Variants in EXOSC10 observed in about 807,000 individuals in gnomAD.
EXOSC10 encodes exosome component 10.
EXOSC10 carries 94 observed loss-of-function variants against 126.6 expected under a neutral mutation model. That is an observed-to-expected ratio of 0.74 (90% CI 0.63 to 0.88). EXOSC10 has a LOEUF of 0.88. EXOSC10 is among the 40% of genes least tolerant of loss of function. The probability of loss-of-function intolerance (pLI) is 0.00; values close to 1 mark genes in which losing one functional copy is unlikely to be tolerated. For synonymous variants in EXOSC10, 395 were observed against 400.8 expected, an observed-to-expected ratio of 0.99 and a Z score of 0.17; for missense variants, 1,041 against 1,100.5, an observed-to-expected ratio of 0.95 and a Z score of 0.77.
Position 11,094,581 on chromosome 1 carries a change from G to A in EXOSC10, c.372+1177C>T, listed in dbSNP as rs567432255. The stretch of plus-strand genomic sequence containing the variant: ...CTCCCAAAGTGCTGGGATTATAGGC[G>A]TGAACCACCATGCCAGGCCACCTTT... On this transcript the variant is annotated intron_variant, in intron 3 of 24. Transcript: ENST00000376936. 3.2e-4 allele frequency among the ~76,000 whole-genome samples: 48 copies of A among 150,528 alleles called. No individual in the cohort carries two copies. In the South Asian group the frequency reaches 8.2e-3, roughly 26 times the overall value.
intron 3 of EXOSC10, among the ~76,000 whole-genome samples, chr1:11,095,242 G>A (rs1331740255): frequency 2.0e-5 from 3 of 150,574 alleles, no homozygotes; most frequent in Non-Finnish European, 4.4e-5. Flanking sequence ...AGCTTCCATG[G>A]GGCAGTAATA....
chr1:11,081,315 G>A, intron 10 of EXOSC10, 77 bp from the exon 11 acceptor site: 1 of 1,547,542 alleles, frequency 6.5e-7, no homozygotes, highest in South Asian at 1.2e-5. Flanking sequence ...TTGGGTGCTG[G>A]GACTTCCTTA....
chr1:11,081,385 T>C (rs951950018), intron 10 of EXOSC10, 147 bp from the exon 11 acceptor site: 1 of 865,146 alleles, frequency 1.2e-6, no homozygotes, highest in Non-Finnish European at 1.8e-6. Context: ...CAACATTTCC[T>C]GCATTTTAAC....
In EXOSC10 at chr1:11,066,768, AAC is replaced by A. The variant is rs779638087; in HGVS notation, c.2628-22_2628-21del. The A allele has an allele frequency of 3.3e-5, 54 of 1,613,882 alleles. No individual in the cohort carries two copies. The Middle Eastern group carries it at 1.5e-3, about 44-fold the overall frequency. ...AAGCCTCTGCAGAGAGTACAAAAACAACAGTTATTTCTTCCGGGCTGGTTGGA... is the reference window on the plus strand; with the variant it reads ...AAGCCTCTGCAGAGAGTACAAAAACAAGTTATTTCTTCCGGGCTGGTTGGA... On this transcript the variant is annotated intron_variant, in intron 24 of 24. Coordinates refer to ENST00000376936, the MANE Select transcript of EXOSC10 (RefSeq NM_001001998.3).
At position 11,098,163 on chromosome 1, in the gene EXOSC10, A is replaced by G. The variant is rs751767608; in HGVS notation, c.112-7T>C. On this transcript the variant is annotated splice_polypyrimidine_tract_variant and splice_region_variant and intron_variant, in intron 1 of 24. Transcript: ENST00000376936. ...CCACGGACCCAAGAGCAAACTGTCA[A>G]AAACAAGAAAAGATGGCATGTTTAC... 1 of 1,591,332 alleles carries G rather than the reference A, an allele frequency of 6.3e-7. No homozygotes were observed. Among genetic ancestry groups the G allele is most frequent in the Non-Finnish European group, 8.5e-7 (1 of 1,173,680 alleles).
intron 3 of EXOSC10, chr1:11,095,423 G>C (rs923185034): frequency 9.7e-6 from 2 of 206,284 alleles, no homozygotes; most frequent in African/African-American, 4.5e-5. Flanking sequence ...TACCATAAGA[G>C]TAAGGGAAGG....
intron 17 of EXOSC10, 112 bp from the exon 18 acceptor site, chr1:11,074,438 A>T: frequency 1.4e-6 from 1 of 723,344 alleles, no homozygotes; most frequent in East Asian, 2.6e-5. Flanking sequence ...CTGGAGACAG[A>T]GTCTCGCTCT....
At position 11,099,658 on chromosome 1, in the gene EXOSC10, G is replaced by A. The variant is rs1338213503; in HGVS notation, c.111+63C>T. ...GCGGGCGGGCATTGGCTGCCCAGAGGGCCCAGTCGGCTTCCGGCGGCCGCG... is the reference window on the plus strand; with the variant it reads ...GCGGGCGGGCATTGGCTGCCCAGAGAGCCCAGTCGGCTTCCGGCGGCCGCG... On this transcript the variant is annotated intron_variant, in intron 1 of 24. Coordinates refer to ENST00000376936, the MANE Select transcript of EXOSC10 (RefSeq NM_001001998.3). 4 of 1,468,634 alleles carry A rather than the reference G, an allele frequency of 2.7e-6. No individual in the cohort carries two copies. In the African/African-American group the frequency reaches 4.3e-5, roughly 16 times the overall value. The allele number at this position is 1,468,634 out of a possible 1,614,324, so 91.0% of individuals were successfully genotyped here.
At chr1:11,084,202 C>A (rs1640358517) in intron 9 of EXOSC10, among the ~76,000 whole-genome samples, 1 of 152,214 alleles carries the variant, frequency 6.6e-6, no homozygotes, top group Non-Finnish European at 1.5e-5. Context: ...GGAATTGCCA[C>A]ACTGACTTCC....
chr1:11,068,846 C>T lies in EXOSC10; in HGVS notation c.2489-140G>A, dbSNP rs1425779141. 3 of 701,538 alleles carry T rather than the reference C, an allele frequency of 4.3e-6. No homozygotes were observed. In the East Asian group the frequency reaches 7.6e-5, roughly 18 times the overall value. 43.5% of individuals were successfully genotyped at this position (701,538 alleles called of 1,614,324 possible). A position where few individuals can be genotyped will look rare whatever the true frequency, so the allele number is the denominator to read the frequency against. ...CCCCTGTCACGATGAGGGGCTAGGGCTCATGGCTCACATAAATGAATACAT... is the reference window on the plus strand; with the variant it reads ...CCCCTGTCACGATGAGGGGCTAGGGTTCATGGCTCACATAAATGAATACAT... On this transcript the variant is annotated intron_variant, in intron 22 of 24. Coordinates refer to ENST00000376936, the MANE Select transcript of EXOSC10 (RefSeq NM_001001998.3).
intron 2 of EXOSC10, among the ~76,000 whole-genome samples, chr1:11,096,237 G>A (rs372507736): frequency 1.3e-5 from 2 of 151,510 alleles, no homozygotes; most frequent in South Asian, 2.1e-4. Context: ...GCCTGCCTCC[G>A]ACTCCCGGAT....
At chr1:11,084,105 T>C (rs141054279) in intron 9 of EXOSC10, among the ~76,000 whole-genome samples, 1,719 of 152,350 alleles carry the variant, frequency 0.011, 68 homozygotes, top group South Asian at 0.067. Context: ...CATGTGTCTT[T>C]ATAGCAGCAT....
intron 13 of EXOSC10, 104 bp from the exon 14 acceptor site, chr1:11,079,926 C>G: frequency 1.1e-6 from 1 of 904,818 alleles, no homozygotes; most frequent in Non-Finnish European, 1.7e-6. Flanking sequence ...GCCACCTAAG[C>G]TGAAGCTACA....
Position 11,066,766 on chromosome 1 carries a change from A to C in EXOSC10, c.2628-18T>G. ...TGAAGCCTCTGCAGAGAGTACAAAA[A>C]CAACAGTTATTTCTTCCGGGCTGGT... On this transcript the variant is annotated intron_variant, in intron 24 of 24. Transcript: ENST00000376936. 6.2e-7 allele frequency: 1 copy of C among 1,614,000 alleles called. No individual in the cohort carries two copies. Among genetic ancestry groups the C allele is most frequent in the Non-Finnish European group, 8.5e-7 (1 of 1,179,846 alleles).
At chr1:11,095,924 C>T (rs1366054270) in intron 2 of EXOSC10, 43 bp from the exon 3 acceptor site, 81 of 1,597,778 alleles carry the variant, frequency 5.1e-5, no homozygotes, top group Non-Finnish European at 6.4e-5. Flanking sequence ...ATTTTTATTT[C>T]ACTTGTTTAC....
chr1:11,080,561 AAAACACACACACACAC>A lies in EXOSC10; in HGVS notation c.1587-28_1587-13del, dbSNP rs748394892. On this transcript the variant is annotated splice_polypyrimidine_tract_variant and intron_variant, in intron 12 of 24. Transcript: ENST00000376936. ...TTGGCAGTACATATCTGGAAAAAAA[AAAACACACACACACAC>A]ACACACACACACACACACACACACA... 2.1e-4 allele frequency: 310 copies of A among 1,504,988 alleles called. No individual in the cohort carries two copies. Among genetic ancestry groups the A allele is most frequent in the Non-Finnish European group, 2.5e-4 (279 of 1,135,656 alleles). 93.2% of individuals were successfully genotyped at this position (1,504,988 alleles called of 1,614,324 possible). A position where few individuals can be genotyped will look rare whatever the true frequency, so the allele number is the denominator to read the frequency against.
chr1:11,070,006 T>C (rs1455677827), intron 21 of EXOSC10, among the ~76,000 whole-genome samples: 1 of 151,690 alleles, frequency 6.6e-6, no homozygotes, highest in Non-Finnish European at 1.5e-5. Context: ...GCGGCCTAGG[T>C]GGGAGGACTG....
intron 6 of EXOSC10, among the ~76,000 whole-genome samples, chr1:11,089,843 C>A (rs1464386572): frequency 6.6e-6 from 1 of 151,952 alleles, no homozygotes; most frequent in Non-Finnish European, 1.5e-5. Context: ...ACTTGGGAGG[C>A]AGAGGCAGGA....
chr1:11,081,180 T>A lies in EXOSC10; in HGVS notation c.1339A>T (p.Ile447Phe), dbSNP rs145081029. ...ARDDTHYLLY[I>F]YDKMRLEMWE... is the part of the protein sequence containing the mutation. Reference sequence around the variant, plus strand: ...ATCTCCAGCCTCATTTTGTCATAGATATATAGCAGGTAATGGGTGTCATCC... The same window carrying A: ...ATCTCCAGCCTCATTTTGTCATAGAAATATAGCAGGTAATGGGTGTCATCC... The change falls in exon 11 of 25, where the codon ATC (isoleucine) becomes TTC (phenylalanine). Residue 447 changes from isoleucine (I) to phenylalanine (F), a missense_variant. By Grantham distance (21) the Ile-to-Phe change is conservative. Around this residue, in one of 3 missense-constraint regions of EXOSC10, gnomAD observed 645 missense variants for 656.3 expected, o/e 0.98. Transcript: ENST00000376936. The A allele has an allele frequency of 1.6e-5, 26 of 1,614,030 alleles. No individual in the cohort carries two copies. The South Asian group carries it at 2.6e-4, about 16-fold the overall frequency.
Sources: allele counts gnomAD v4.1 joint callset (sites outside exome capture counted in the v4.1 genomes callset), GRCh38; gene constraint gnomAD v4.1.1; regional missense constraint gnomAD v4.1.1; transcripts MANE v1.5; gene names NCBI Gene and HGNC (gene_info 2026-07-23, HGNC 2026-07-21).